LIMS1: variants seen among roughly 807,000 people sequenced by gnomAD.
LIMS1 encodes LIM and senescent cell antigen-like-containing domain protein 1.
In LIMS1, 18 loss-of-function variants were observed where a neutral mutation model predicts 44.1. The ratio of observed to expected loss-of-function variants is 0.41; its 90% CI spans 0.28 to 0.61. LIMS1 has a LOEUF of 0.61. LIMS1 is among the 20% of genes least tolerant of loss of function. The pLI, the probability that LIMS1 is intolerant of heterozygous loss-of-function variation, is 0.32. For missense variants in LIMS1, 201 were observed against 422.0 expected, an observed-to-expected ratio of 0.48 and a Z score of 4.59; for synonymous variants, 93 against 149.1, an observed-to-expected ratio of 0.62 and a Z score of 2.74.
At chr2:108,553,551 A>G (rs1390002645) in intron 1 of LIMS1, among the ~76,000 whole-genome samples, 2 of 152,250 alleles carry the variant, frequency 1.3e-5, no homozygotes, top group East Asian at 3.8e-4. Context: ...CTTTCATTAG[A>G]AATAATGATA....
rs1177689331 is a variant in LIMS1, at chr2:108,677,608, C to T, written c.775-371C>T. On this transcript the variant is annotated intron_variant, in intron 7 of 9. Transcript: ENST00000544547. ...ATGATTCTTGTCTCTGCGCCAGCTG[C>T]AAACGACACTTCTCCAGCCCCATGC... 2.6e-5 allele frequency: 6 copies of T among 233,094 alleles called. No homozygotes were observed. The South Asian group carries it at 4.8e-4, about 19-fold the overall frequency. 14.4% of individuals were successfully genotyped at this position (233,094 alleles called of 1,614,324 possible). A position where few individuals can be genotyped will look rare whatever the true frequency, so the allele number is the denominator to read the frequency against.
At chr2:108,549,791 A>G (rs1179872682) in intron 1 of LIMS1, among the ~76,000 whole-genome samples, 4 of 152,206 alleles carry the variant, frequency 2.6e-5, no homozygotes, top group Non-Finnish European at 5.9e-5. Context: ...GCAAAAAGCT[A>G]ATTATTAAGA....
At chr2:108,664,971 C>T (rs2438783) in intron 2 of LIMS1, among the ~76,000 whole-genome samples, 2 of 152,126 alleles carry the variant, frequency 1.3e-5, no homozygotes, top group South Asian at 2.1e-4. Flanking sequence ...GAAAGAGATC[C>T]CAAATCTTAC....
At chr2:108,567,528 G>A (rs1685334197) in intron 1 of LIMS1, among the ~76,000 whole-genome samples, 1 of 152,042 alleles carries the variant, frequency 6.6e-6, no homozygotes. Flanking sequence ...TAAACGATGT[G>A]GTACAAAAGC....
intron 2 of LIMS1, among the ~76,000 whole-genome samples, chr2:108,663,048 C>T (rs1334795531): frequency 6.6e-6 from 1 of 152,220 alleles, no homozygotes; most frequent in East Asian, 1.9e-4. Context: ...TTCCTAACCA[C>T]TTACCAGAAC....
Position 108,597,057 on chromosome 2 carries a change from T to C in LIMS1, c.32+62463T>C, listed in dbSNP as rs1394351274. Among the ~76,000 whole-genome samples the C allele has an allele frequency of 1.2e-4, 18 of 149,812 alleles. 1 individual carries two copies. The highest frequency in any genetic ancestry group is 1.0e-3 in the East Asian group (5 of 4,866). ...CCGAGAAGCTGGGATTACAGGCACGTACCACCACACCCAGCTGATTTTTGT... is the reference window on the plus strand; with the variant it reads ...CCGAGAAGCTGGGATTACAGGCACGCACCACCACACCCAGCTGATTTTTGT... On this transcript the variant is annotated intron_variant, in intron 1 of 9. Transcript: ENST00000544547.
chr2:108,648,379 C>G (rs1573547979), intron 1 of LIMS1, among the ~76,000 whole-genome samples: 2 of 152,070 alleles, frequency 1.3e-5, no homozygotes, highest in South Asian at 2.1e-4. Context: ...TTGGGCTATA[C>G]TGCCCAAAGT....
chr2:108,551,562 A>C, intron 1 of LIMS1, among the ~76,000 whole-genome samples: 1 of 143,706 alleles, frequency 7.0e-6, no homozygotes, highest in Non-Finnish European at 1.5e-5. Context: ...CAAATCCTGG[A>C]CGTTCAGATT....
At chr2:108,612,969 A>C (rs1687737640) in intron 1 of LIMS1, among the ~76,000 whole-genome samples, 1 of 152,146 alleles carries the variant, frequency 6.6e-6, no homozygotes, top group African/African-American at 2.4e-5. Flanking sequence ...AGGCCCTGGG[A>C]CAGTGCAGTT....
intron 1 of LIMS1, among the ~76,000 whole-genome samples, chr2:108,611,996 A>C (rs1687662805): frequency 7.4e-6 from 1 of 134,714 alleles, no homozygotes; most frequent in South Asian, 2.3e-4. Flanking sequence ...TACATATATT[A>C]TATATACACA....
At chr2:108,601,317 TG>T (rs1164642547) in intron 1 of LIMS1, among the ~76,000 whole-genome samples, 1 of 152,166 alleles carries the variant, frequency 6.6e-6, no homozygotes, top group Non-Finnish European at 1.5e-5. Flanking sequence ...AGCAACAGCC[TG>T]GGCTCCAGAG....
intron 1 of LIMS1, among the ~76,000 whole-genome samples, chr2:108,553,746 C>A (rs2104596196): frequency 6.6e-6 from 1 of 152,282 alleles, no homozygotes; most frequent in South Asian, 2.1e-4. Flanking sequence ...GCCGTACACC[C>A]CCAGAACTGC....
chr2:108,667,686 C>T (rs1450222156), intron 2 of LIMS1, among the ~76,000 whole-genome samples: 7 of 151,470 alleles, frequency 4.6e-5, no homozygotes, highest in African/African-American at 9.7e-5. Context: ...TTTACACAGT[C>T]GTCTTATGGT....
chr2:108,615,235 A>G (rs973893122), intron 1 of LIMS1, among the ~76,000 whole-genome samples: 8 of 152,314 alleles, frequency 5.3e-5, no homozygotes, highest in African/African-American at 1.7e-4. Context: ...TACCACTAGA[A>G]TTCCTTTTAA....
intron 1 of LIMS1, among the ~76,000 whole-genome samples, chr2:108,538,555 C>G (rs752080759): frequency 1.3e-5 from 2 of 152,178 alleles, no homozygotes; most frequent in Non-Finnish European, 2.9e-5. Context: ...GAATCCAGGG[C>G]TTTCAGGATG....
At chr2:108,684,576 A>G (rs1198134719) in exon 10 of LIMS1, 1 of 152,098 alleles carries the variant, frequency 6.6e-6, no homozygotes. Flanking sequence ...TAAATGCAAT[A>G]ATTATTATGC....
At position 108,670,561 on chromosome 2, in the gene LIMS1, C is replaced by A. The variant is rs1388562799; in HGVS notation, c.193-220C>A. Among the ~76,000 whole-genome samples the A allele has an allele frequency of 2.0e-5, 3 of 152,214 alleles. No individual in the cohort carries two copies. In the East Asian group the frequency reaches 5.8e-4, roughly 29 times the overall value. ...CACCAGTCCCTGTAGGTGTACTGTT[C>A]ACTCTAGCCTCTACTTATTCCATAT... is the stretch of plus-strand genomic sequence containing the variant. On this transcript the variant is annotated intron_variant, in intron 2 of 9. Coordinates refer to ENST00000544547, the Ensembl canonical transcript of LIMS1.
chr2:108,612,241 C>G (rs535367564), intron 1 of LIMS1, among the ~76,000 whole-genome samples: 1 of 151,978 alleles, frequency 6.6e-6, no homozygotes, highest in East Asian at 1.9e-4. Flanking sequence ...TTGCATGAAG[C>G]AGTAGGAGCA....
At chr2:108,588,422 A>G in intron 1 of LIMS1, 50 of 985,470 alleles carry the variant, frequency 5.1e-5, no homozygotes, top group Non-Finnish European at 6.0e-5. Flanking sequence ...CCAAGCCCTG[A>G]TAAGTAAGTT....
Sources: allele counts gnomAD v4.1 joint callset (sites outside exome capture counted in the v4.1 genomes callset), GRCh38; gene constraint gnomAD v4.1.1; transcripts MANE v1.5; gene names NCBI Gene and HGNC (gene_info 2026-07-23, HGNC 2026-07-21).